The following AMMECR1 variants were observed in gnomAD, a reference collection of about 807,000 sequenced individuals.
AMMECR1 encodes AMMECR nuclear protein 1.
In AMMECR1, 3 loss-of-function variants were observed where a neutral mutation model predicts 22.5. The ratio of observed to expected loss-of-function variants is 0.13; its 90% CI spans 0.06 to 0.35. AMMECR1 has a LOEUF of 0.35. Ranked by LOEUF, AMMECR1 falls within the 10% of genes least tolerant of loss-of-function variation. The pLI is 1.00. For synonymous variants in AMMECR1, 130 were observed against 116.7 expected (o/e 1.11, Z -0.74); for missense variants, 235 against 278.7 (o/e 0.84, Z 1.12).
chrX:110,367,868 G>A (rs2068307935), intron 2 of AMMECR1, among the ~76,000 whole-genome samples: 1 of 109,599 alleles, frequency 9.1e-6, no homozygotes, highest in African/African-American at 3.3e-5. Flanking sequence ...GAATGGAGTG[G>A]CACAATCATA....
chrX:110,228,572 C>T (rs781079541), intron 2 of AMMECR1, among the ~76,000 whole-genome samples: 1 of 111,294 alleles, frequency 9.0e-6, no homozygotes, highest in Admixed American at 9.6e-5. Flanking sequence ...GCCTAGGGCA[C>T]CAGGGAATAG....
exon 1 of AMMECR1, chrX:110,440,229 AAG>A (rs758538143): frequency 1.4e-4 from 15 of 109,138 alleles, no homozygotes; most frequent in Middle Eastern, 4.7e-3. Context: ...AGCCCAGAGA[AAG>A]AGAGAGAGAG....
At chrX:110,433,549 A>G (rs1166020862) in intron 1 of AMMECR1, among the ~76,000 whole-genome samples, 1 of 111,888 alleles carries the variant, frequency 8.9e-6, no homozygotes, top group Non-Finnish European at 1.9e-5. Flanking sequence ...TGAAGTTTAT[A>G]TGTTATACAT....
At chrX:110,239,818 C>T (rs2067621228) in intron 2 of AMMECR1, among the ~76,000 whole-genome samples, 1 of 111,503 alleles carries the variant, frequency 9.0e-6, no homozygotes. Flanking sequence ...GTCGGGTTAC[C>T]CACAAAGGGA....
chrX:110,434,827 C>T (rs1318612199), intron 1 of AMMECR1, among the ~76,000 whole-genome samples: 1 of 110,377 alleles, frequency 9.1e-6, no homozygotes, highest in Non-Finnish European at 1.9e-5. Flanking sequence ...GGGGTTTCTC[C>T]TCTCCCATTT....
chrX:110,261,263 C>A (rs753000853), intron 2 of AMMECR1, among the ~76,000 whole-genome samples: 31 of 111,657 alleles, frequency 2.8e-4, no homozygotes, highest in African/African-American at 9.4e-4. Flanking sequence ...GAAAATCAAA[C>A]AATAGTCTAT....
At chrX:110,344,879 G>C (rs1193678848) in intron 2 of AMMECR1, among the ~76,000 whole-genome samples, 3 of 111,956 alleles carry the variant, frequency 2.7e-5, no homozygotes, top group Non-Finnish European at 5.6e-5. Flanking sequence ...AAATAGGAAT[G>C]CTTTTACACT....
In AMMECR1 at chrX:110,318,078, A is replaced by G; in HGVS notation, c.-7T>C. 8.4e-7 allele frequency: 1 copy of G among 1,187,239 alleles called. No individual in the cohort carries two copies. Among genetic ancestry groups the G allele is most frequent in the Non-Finnish European group, 1.1e-6 (1 of 883,615 alleles). ...CGCAGCAACCCGCCGCCATCTTGGA[A>G]CAGTCTCCCCCACGCAGCGTTTCCG... On this transcript the variant is annotated 5_prime_UTR_variant, in exon 1 of 6. Coordinates refer to ENST00000262844, the MANE Select transcript of AMMECR1 (RefSeq NM_015365.3).
rs2067373737 is a variant in AMMECR1, at chrX:110,196,958, G to A, written c.*1562C>T. The A allele has an allele frequency of 8.9e-6, 1 of 112,067 alleles. No homozygotes were observed. The allele number at this position is 112,067 out of a possible 1,213,427, so 9.2% of individuals were successfully genotyped here. ...TGCAGCATACTTTAATTCATCACTT[G>A]ATATGTTGGCTTCCTATTTGAAAAA... On this transcript the variant is annotated 3_prime_UTR_variant, in exon 6 of 6. Coordinates refer to ENST00000262844, the MANE Select transcript of AMMECR1 (RefSeq NM_015365.3).
At position 110,341,857 on chromosome X, in the gene AMMECR1, G is replaced by A. The variant is rs1373615725; in HGVS notation, c.-147-24008C>T. ...GCAGGTGGATAGCTTGAGTTCATGA[G>A]TTTGAGACCAGCCTAGGCCACATGG... On this transcript the variant is annotated intron_variant, in intron 2 of 7. Transcript: ENST00000372057. 4.5e-5 allele frequency among the ~76,000 whole-genome samples: 5 copies of A among 111,927 alleles called. No homozygotes were observed. In the East Asian group the frequency reaches 1.4e-3, roughly 31 times the overall value.
intron 2 of AMMECR1, among the ~76,000 whole-genome samples, chrX:110,415,600 C>A (rs993799852): frequency 9.0e-6 from 1 of 111,055 alleles, no homozygotes; most frequent in African/African-American, 3.3e-5. Context: ...TGGGTAAAGG[C>A]GACTCATTCT....
At chrX:110,224,166 G>A (rs1412760183) in intron 2 of AMMECR1, among the ~76,000 whole-genome samples, 3 of 110,924 alleles carry the variant, frequency 2.7e-5, no homozygotes, top group African/African-American at 9.9e-5. Flanking sequence ...ACAGGACTAA[G>A]CTGTGCTGTG....
At position 110,317,733 on chromosome X, in the gene AMMECR1, G is replaced by A. The variant is rs1273784689; in HGVS notation, c.339C>T (p.Ala113=). 5.0e-6 allele frequency: 6 copies of A among 1,196,861 alleles called. No homozygotes were observed. Among genetic ancestry groups the A allele is most frequent in the Non-Finnish European group, 6.8e-6 (6 of 887,386 alleles). Residue 113 remains alanine (A), a synonymous_variant, in exon 1 of 6, where the codon GCC becomes GCT. Coordinates refer to ENST00000262844, the MANE Select transcript of AMMECR1 (RefSeq NM_015365.3). ...ATSSSPSSSS[A]ASSSSPGSRK... ...GGGAGCCCGGCGATGAGGACGAGGCGGCGGACGATGAGGAGGGTGAGGAAG... is the reference window on the plus strand; with the variant it reads ...GGGAGCCCGGCGATGAGGACGAGGCAGCGGACGATGAGGAGGGTGAGGAAG...
intron 1 of AMMECR1, among the ~76,000 whole-genome samples, chrX:110,284,580 G>A (rs2067869588): frequency 8.9e-6 from 1 of 112,157 alleles, no homozygotes; most frequent in African/African-American, 3.2e-5. Context: ...GGCCATGAAT[G>A]GCAGGTTCAC....
chrX:110,199,605 C>T (rs746538513), intron 5 of AMMECR1, among the ~76,000 whole-genome samples: 16 of 111,056 alleles, frequency 1.4e-4, no homozygotes, highest in Admixed American at 3.8e-4. Flanking sequence ...TTACCTTGGT[C>T]CCTTTTATCT....
At chrX:110,318,255 C>T (rs771301754), upstream of AMMECR1, 400 of 151,748 alleles carry the variant, frequency 2.6e-3, 1 homozygote, top group African/African-American at 7.4e-3. Flanking sequence ...CGCCTCGGTG[C>T]GCGCTCCTCG....
intron 2 of AMMECR1, among the ~76,000 whole-genome samples, chrX:110,248,444 G>T (rs1311057080): frequency 9.0e-6 from 1 of 111,216 alleles, no homozygotes; most frequent in Non-Finnish European, 1.9e-5. Context: ...GAATTTTATT[G>T]TTTTTTTAAA....
In AMMECR1 at chrX:110,424,834, A is replaced by G. The variant is rs762319864; in HGVS notation, c.-148+1824T>C. 3.6e-5 allele frequency among the ~76,000 whole-genome samples: 4 copies of G among 112,002 alleles called. No homozygotes were observed. The South Asian group carries it at 1.5e-3, about 42-fold the overall frequency. ...ATAACAACATGAGTGTTGTCCCGTT[A>G]ATCTCTCTGGGCTTCTGTTTCCAGA... On this transcript the variant is annotated intron_variant, in intron 2 of 7. Coordinates refer to the AMMECR1 transcript ENST00000372057.
At chrX:110,302,652 C>T (rs1027410383) in intron 1 of AMMECR1, among the ~76,000 whole-genome samples, 5 of 110,999 alleles carry the variant, frequency 4.5e-5, no homozygotes, top group Non-Finnish European at 7.5e-5. Flanking sequence ...GTGGGTGGAT[C>T]ACCTGAGGTC....
Sources: gnomAD v4.1 joint callset for allele counts (sites outside exome capture counted in the v4.1 genomes callset) on GRCh38, gnomAD v4.1.1 for gene constraint, MANE v1.5 for transcripts, NCBI Gene and HGNC (gene_info 2026-07-23, HGNC 2026-07-21) for gene names.